RHOT1: variants seen among roughly 807,000 people sequenced by gnomAD.
RHOT1 encodes the protein ras homolog family member T1.
In RHOT1, 27 loss-of-function variants were observed where a neutral mutation model predicts 95.3. The ratio of observed to expected loss-of-function variants is 0.28; its 90% CI spans 0.21 to 0.39. RHOT1 has a LOEUF of 0.39. RHOT1 is among the 10% of genes least tolerant of loss of function. RHOT1 has a pLI of 1.00. For synonymous variants in RHOT1, 227 were observed against 263.5 expected, an observed-to-expected ratio of 0.86 and a Z score of 1.34; for missense variants, 578 against 786.7, an observed-to-expected ratio of 0.73 and a Z score of 3.17.
At chr17:32,222,229 G>A (rs2038878748) in intron 19 of RHOT1, among the ~76,000 whole-genome samples, 1 of 152,190 alleles carries the variant, frequency 6.6e-6, no homozygotes, top group Non-Finnish European at 1.5e-5. Flanking sequence ...TTGACTTGGA[G>A]TTGTAAACTT....
rs67971879 is a variant in RHOT1, at chr17:32,206,759, A to G, written c.1417-151A>G. 0.015 allele frequency: 9,761 copies of G among 631,640 alleles called. 728 individuals carry two copies. In the African/African-American group the frequency reaches 0.16, roughly 10 times the overall value. 39.1% of individuals were successfully genotyped at this position (631,640 alleles called of 1,614,324 possible). A position where few individuals can be genotyped will look rare whatever the true frequency, so the allele number is the denominator to read the frequency against. ...TGAGCCACCGCGCCCAGCCTTGTCT[A>G]TACTTTCTACTTTTAAAACTGGCCT... On this transcript the variant is annotated intron_variant, in intron 16 of 19. Coordinates refer to ENST00000545287, the MANE Select transcript of RHOT1 (RefSeq NM_001033566.3).
At chr17:32,145,591 G>A (rs373319732) in intron 1 of RHOT1, among the ~76,000 whole-genome samples, 28 of 152,170 alleles carry the variant, frequency 1.8e-4, no homozygotes, top group East Asian at 9.6e-4. Context: ...TCCATTTTCC[G>A]TGGAGCAGGC....
intron 1 of RHOT1, among the ~76,000 whole-genome samples, chr17:32,144,207 G>C (rs1414744425): frequency 3.9e-5 from 6 of 152,132 alleles, no homozygotes; most frequent in African/African-American, 1.4e-4. Context: ...GTTTGTTGTT[G>C]TTGTTGTTTT....
intron 1 of RHOT1, among the ~76,000 whole-genome samples, chr17:32,165,162 C>A (rs2033943038): frequency 6.6e-6 from 1 of 151,708 alleles, no homozygotes; most frequent in Non-Finnish European, 1.5e-5. Flanking sequence ...ACGGTGAAAC[C>A]CCATCTCTAC....
At chr17:32,150,716 A>G (rs767912606) in intron 1 of RHOT1, 436 of 1,604,054 alleles carry the variant, frequency 2.7e-4, no homozygotes, top group Non-Finnish European at 2.9e-4. Context: ...GCATCAGAGT[A>G]CAAAGCAGGA....
chr17:32,189,420 TACAAGAATTTACCTCTG>T (rs1266682954), intron 8 of RHOT1, among the ~76,000 whole-genome samples: 1 of 152,240 alleles, frequency 6.6e-6, no homozygotes, highest in African/African-American at 2.4e-5. Context: ...TGGGAACTCT[TACAAGAATTTACCTCTG>T]AGGCCTTAGC....
Position 32,174,737 on chromosome 17 carries a change from AATT to A in RHOT1, c.179-578_179-576del, listed in dbSNP as rs141100350. Among the ~76,000 whole-genome samples, 215 of 152,250 alleles carry A rather than the reference AATT, an allele frequency of 1.4e-3. 2 individuals are homozygous for A. The highest frequency in any genetic ancestry group is 0.013 in the East Asian group (68 of 5,184). Reference sequence around the variant, plus strand: ...TATGCCAGTAATTGCTTTGCTCTTCAATTATTTGCTTTCTATCCTAGCTATATC... The same window carrying A: ...TATGCCAGTAATTGCTTTGCTCTTCAATTTGCTTTCTATCCTAGCTATATC... On this transcript the variant is annotated intron_variant, in intron 3 of 19. Coordinates refer to ENST00000545287, the MANE Select transcript of RHOT1 (RefSeq NM_001033566.3).
At chr17:32,181,933 C>T (rs1241564021) in intron 6 of RHOT1, among the ~76,000 whole-genome samples, 1 of 152,186 alleles carries the variant, frequency 6.6e-6, no homozygotes, top group Non-Finnish European at 1.5e-5. Context: ...TGTTTGGCCC[C>T]ATCAGGATGT....
chr17:32,175,173 C>T (rs1018409811), intron 3 of RHOT1, 146 bp from the exon 4 acceptor site: 1 of 661,050 alleles, frequency 1.5e-6, no homozygotes, highest in East Asian at 2.8e-5. Context: ...GTAGTTGAAC[C>T]TTTTCCTTCC....
intron 1 of RHOT1, among the ~76,000 whole-genome samples, chr17:32,157,242 A>G (rs2033055972): frequency 6.6e-6 from 1 of 152,214 alleles, no homozygotes; most frequent in Non-Finnish European, 1.5e-5. Context: ...TGAGTTTCAA[A>G]TTTGTGCTCC....
intron 12 of RHOT1, 103 bp downstream of exon 12, chr17:32,199,134 A>G (rs946111263): frequency 2.2e-6 from 2 of 920,496 alleles, no homozygotes; most frequent in Non-Finnish European, 3.3e-6. Context: ...TTACATAGCC[A>G]AAAACTGCTT....
At chr17:32,215,543 T>C (rs2038416447) in intron 19 of RHOT1, among the ~76,000 whole-genome samples, 1 of 148,990 alleles carries the variant, frequency 6.7e-6, no homozygotes, top group African/African-American at 2.5e-5. Flanking sequence ...AAACATTTTT[T>C]AACTTTGGTT....
At chr17:32,193,949 A>T in intron 10 of RHOT1, 38 bp from the exon 11 acceptor site, 4 of 1,605,470 alleles carry the variant, frequency 2.5e-6, no homozygotes, top group South Asian at 2.2e-5. Context: ...CTCCTATGTG[A>T]CTCTGTACAC....
intron 19 of RHOT1, among the ~76,000 whole-genome samples, chr17:32,211,608 A>C (rs1440164003): frequency 6.6e-6 from 1 of 152,216 alleles, no homozygotes; most frequent in Non-Finnish European, 1.5e-5. Flanking sequence ...GAAAGATATT[A>C]TACTGTACTC....
intron 6 of RHOT1, among the ~76,000 whole-genome samples, chr17:32,180,667 A>AAAAAAAAAAAGAT (rs2035559963): frequency 6.7e-6 from 1 of 150,288 alleles, no homozygotes; most frequent in East Asian, 1.9e-4. Context: ...AAAAAAAAAG[A>AAAAAAAAAAAGAT]AATAATAAAT....
chr17:32,209,185 A>G (rs946945183), intron 18 of RHOT1: 4 of 390,796 alleles, frequency 1.0e-5, no homozygotes, highest in African/African-American at 6.2e-5. Context: ...TTTTAAAGTC[A>G]GTTAACTTTA....
chr17:32,206,088 C>A (rs1196564178), intron 16 of RHOT1, among the ~76,000 whole-genome samples: 6 of 151,232 alleles, frequency 4.0e-5, no homozygotes, highest in Non-Finnish European at 5.9e-5. Context: ...GGGCAGCTGA[C>A]TTAATCTTTC....
At chr17:32,208,597 T>G in intron 18 of RHOT1, 1 of 272,396 alleles carries the variant, frequency 3.7e-6, no homozygotes, top group Admixed American at 4.7e-5. Context: ...AAAAATAGTT[T>G]TACTGGAATA....
chr17:32,222,865 A>G lies in RHOT1; in HGVS notation c.1863-1751A>G, dbSNP rs571129456. 6 of 985,826 alleles carry G rather than the reference A, an allele frequency of 6.1e-6. No homozygotes were observed. The African/African-American group carries it at 8.7e-5, about 14-fold the overall frequency. 61.1% of individuals were successfully genotyped at this position (985,826 alleles called of 1,614,324 possible). A position where few individuals can be genotyped will look rare whatever the true frequency, so the allele number is the denominator to read the frequency against. On this transcript the variant is annotated intron_variant, in intron 19 of 19. Coordinates refer to ENST00000545287, the MANE Select transcript of RHOT1 (RefSeq NM_001033566.3). ...CAGCTCTGTAGAAGATTCCATCTTC[A>G]TGGAGTCATCTCATGGTCCACTTTT... is the stretch of plus-strand genomic sequence containing the variant.
Sources: gnomAD v4.1 joint callset for allele counts (sites outside exome capture counted in the v4.1 genomes callset) on GRCh38, gnomAD v4.1.1 for gene constraint, MANE v1.5 for transcripts, NCBI Gene and HGNC (gene_info 2026-07-23, HGNC 2026-07-21) for gene names.